The following RBM25 variants were observed in gnomAD, a reference collection of about 807,000 sequenced individuals.
RBM25 encodes the protein RNA binding motif protein 25.
A neutral mutation model predicts 120.7 loss-of-function variants in RBM25; 19 were observed. The observed-to-expected ratio is 0.16, with a 90% CI of 0.11 to 0.23. The LOEUF (loss-of-function observed/expected upper bound fraction) is 0.23. Ranked by LOEUF, RBM25 falls within the 10% of genes least tolerant of loss-of-function variation. The pLI is 1.00. For missense variants in RBM25, 605 were observed against 1,041.5 expected (o/e 0.58, Z 5.77); for synonymous variants, 390 against 326.7 (o/e 1.19, Z -2.09).
intron 4 of RBM25, among the ~76,000 whole-genome samples, chr14:73,078,110 C>G (rs1447484400): frequency 6.6e-6 from 1 of 152,142 alleles, no homozygotes; most frequent in African/African-American, 2.4e-5. Context: ...CGAGACCAGC[C>G]TGACCAACAT....
Position 73,121,361 on chromosome 14 carries a change from T to C in RBM25, c.*1556T>C, listed in dbSNP as rs986219785. The C allele has an allele frequency of 9.8e-5, 15 of 152,594 alleles. No homozygotes were observed. The highest frequency in any genetic ancestry group is 9.8e-4 in the Admixed American group (15 of 15,282). The allele number at this position is 152,594 out of a possible 1,614,324, so 9.5% of individuals were successfully genotyped here. A position where few individuals can be genotyped will look rare whatever the true frequency, so the allele number is the denominator to read the frequency against. Reference sequence around the variant, plus strand: ...AGAATCATGTAAATAAATGGCATCATGTTGTAATTGTGTGGTGCATACTAG... The same window carrying C: ...AGAATCATGTAAATAAATGGCATCACGTTGTAATTGTGTGGTGCATACTAG... On this transcript the variant is annotated 3_prime_UTR_variant, in exon 19 of 19. Coordinates refer to ENST00000261973, the MANE Select transcript of RBM25 (RefSeq NM_021239.3).
intron 9 of RBM25, chr14:73,100,261 A>G (rs1330786917): frequency 4.5e-6 from 3 of 662,956 alleles, no homozygotes; most frequent in African/African-American, 3.6e-5. Flanking sequence ...GTAAATTCCC[A>G]TAAAGCTAAT....
At position 73,106,404 on chromosome 14, in the gene RBM25, T is replaced by A. The variant is rs557782774; in HGVS notation, c.1467+119T>A. ...CAAGCTTCTCTATTCATGTATAATT[T>A]AATTTTTATGTATTTTGAGTAATTT... On this transcript the variant is annotated intron_variant, in intron 12 of 18. Coordinates refer to ENST00000261973, the MANE Select transcript of RBM25 (RefSeq NM_021239.3). 10 of 828,482 alleles carry A rather than the reference T, an allele frequency of 1.2e-5. No homozygotes were observed. The South Asian group carries it at 2.7e-4, about 22-fold the overall frequency. The allele number at this position is 828,482 out of a possible 1,614,324, so 51.3% of individuals were successfully genotyped here.
At chr14:73,087,646 C>T (rs1450161516) in intron 5 of RBM25, among the ~76,000 whole-genome samples, 7 of 152,140 alleles carry the variant, frequency 4.6e-5, no homozygotes, top group Non-Finnish European at 1.5e-5. Flanking sequence ...CCACCCGCCT[C>T]GGCCTCCCAA....
intron 7 of RBM25, among the ~76,000 whole-genome samples, chr14:73,098,786 C>T (rs746740804): frequency 2.5e-4 from 38 of 152,096 alleles, no homozygotes; most frequent in Non-Finnish European, 3.4e-4. Context: ...TGGGACTACA[C>T]GTGCCTGCTG....
intron 6 of RBM25, among the ~76,000 whole-genome samples, chr14:73,095,343 G>A (rs1282253310): frequency 3.5e-5 from 5 of 141,974 alleles, no homozygotes; most frequent in African/African-American, 1.0e-4. Flanking sequence ...TGGTCGTCAC[G>A]CCTGTAATCC....
At chr14:73,100,816 AAG>A (rs1896041428) in intron 9 of RBM25, 1 of 152,354 alleles carries the variant, frequency 6.6e-6, no homozygotes, top group Non-Finnish European at 1.5e-5. Context: ...AAATGTGTCT[AAG>A]AGCACAAACA....
At chr14:73,097,198 T>TTTTTTTTTTTTTTTTTTTTTTTTTTG (rs1895963107) in intron 7 of RBM25, 98 bp downstream of exon 7, 1 of 507,502 alleles carries the variant, frequency 2.0e-6, no homozygotes, top group African/African-American at 2.6e-5. Context: ...TTTCTTTTCT[T>TTTTTTTTTTTTTTTTTTTTTTTTTTG]TTTTTTTTTT....
chr14:73,109,201 C>T (rs1212702779), intron 13 of RBM25, 141 bp from the exon 14 acceptor site: 22 of 829,756 alleles, frequency 2.7e-5, no homozygotes, highest in Admixed American at 1.2e-4. Context: ...TGGTGTGTTC[C>T]GTAGATACAG....
chr14:73,081,541 C>T (rs1895563769), intron 4 of RBM25, among the ~76,000 whole-genome samples: 2 of 152,050 alleles, frequency 1.3e-5, no homozygotes, highest in South Asian at 4.1e-4. Context: ...TATTGCTGTT[C>T]TGTGTTGGGT....
At chr14:73,108,123 C>A (rs1007765017) in intron 13 of RBM25, among the ~76,000 whole-genome samples, 2 of 152,172 alleles carry the variant, frequency 1.3e-5, no homozygotes, top group African/African-American at 4.8e-5. Context: ...TGGGGGAGCC[C>A]ATGATAGTAT....
chr14:73,105,203 G>A (rs540900828), intron 10 of RBM25, among the ~76,000 whole-genome samples: 191 of 147,736 alleles, frequency 1.3e-3, no homozygotes, highest in Non-Finnish European at 1.6e-3. Flanking sequence ...CAAGTCCTGG[G>A]CTCATGGGAT....
intron 4 of RBM25, 26 bp downstream of exon 4, chr14:73,077,562 T>G (rs1895451234): frequency 6.6e-7 from 1 of 1,526,088 alleles, no homozygotes; most frequent in South Asian, 1.3e-5. Context: ...TATTTTTCAT[T>G]AAAAATTTTT....
At chr14:73,097,950 A>G (rs1895984069) in intron 7 of RBM25, among the ~76,000 whole-genome samples, 1 of 152,198 alleles carries the variant, frequency 6.6e-6, no homozygotes, top group Non-Finnish European at 1.5e-5. Context: ...TAGATAAATT[A>G]TAGGAAGTGT....
At chr14:73,117,295 G>A (rs187726881) in intron 18 of RBM25, among the ~76,000 whole-genome samples, 9 of 130,920 alleles carry the variant, frequency 6.9e-5, no homozygotes, top group Admixed American at 3.6e-4. Context: ...ACAGTGGCGC[G>A]ATCTTGGCTC....
chr14:73,078,595 A>G (rs779780783), intron 4 of RBM25, among the ~76,000 whole-genome samples: 9 of 152,152 alleles, frequency 5.9e-5, no homozygotes, highest in Non-Finnish European at 1.2e-4. Context: ...TTTTTCATCC[A>G]TGATCCAATG....
At position 73,097,278 on chromosome 14, in the gene RBM25, G is replaced by A. The variant is rs1487423865; in HGVS notation, c.729+178G>A. ...TGCAGTGGTGCAATCTCAGTTCACT[G>A]TAACCTCCGCCTCCGGGGTTCGAGC... is the stretch of plus-strand genomic sequence containing the variant. On this transcript the variant is annotated intron_variant, in intron 7 of 18. Transcript: ENST00000261973. Among the ~76,000 whole-genome samples the A allele has an allele frequency of 3.2e-5, 4 of 124,400 alleles. No homozygotes were observed. The East Asian group carries it at 1.1e-3, about 34-fold the overall frequency. The allele number at this position is 124,400 out of a possible 152,430, so 81.6% of individuals were successfully genotyped here.
At chr14:73,102,341 T>C (rs1896073155) in intron 9 of RBM25, 1 of 152,240 alleles carries the variant, frequency 6.6e-6, no homozygotes, top group Non-Finnish European at 1.5e-5. Flanking sequence ...TTGTGAACCA[T>C]GTACTTGCTC....
In RBM25 at chr14:73,109,502, T is replaced by G; in HGVS notation, c.1692+10T>G. 6.2e-7 allele frequency: 1 copy of G among 1,608,468 alleles called. No individual in the cohort carries two copies. Among genetic ancestry groups the G allele is most frequent in the Non-Finnish European group, 8.5e-7 (1 of 1,177,600 alleles). ...TGCAGAGCTCCAGAGGGTAAGATACTGTACCATCTGGTCGGGCGCGGTGGC... is the reference window on the plus strand; with the variant it reads ...TGCAGAGCTCCAGAGGGTAAGATACGGTACCATCTGGTCGGGCGCGGTGGC... On this transcript the variant is annotated intron_variant, in intron 14 of 18. Coordinates refer to ENST00000261973, the MANE Select transcript of RBM25 (RefSeq NM_021239.3).
Sources: gnomAD v4.1 joint callset for allele counts (sites outside exome capture counted in the v4.1 genomes callset) on GRCh38, gnomAD v4.1.1 for gene constraint, MANE v1.5 for transcripts, NCBI Gene and HGNC (gene_info 2026-07-23, HGNC 2026-07-21) for gene names.